ADGRG7: variants seen among roughly 807,000 people sequenced by gnomAD.
ADGRG7 encodes adhesion G protein-coupled receptor G7.
In ADGRG7, 82 loss-of-function variants were observed where a neutral mutation model predicts 88.6. The observed-to-expected ratio is 0.93, with a 90% CI of 0.77 to 1.11. The LOEUF (loss-of-function observed/expected upper bound fraction) is 1.11, where lower values mean the gene tolerates loss of function less well. ADGRG7 is among the 50% of genes most tolerant of loss of function. ADGRG7 has a pLI of 0.00. For missense variants in ADGRG7, 945 were observed against 953.4 expected, an observed-to-expected ratio of 0.99 and a Z score of 0.12; for synonymous variants, 381 against 345.2, an observed-to-expected ratio of 1.10 and a Z score of -1.15.
intron 15 of ADGRG7, among the ~76,000 whole-genome samples, chr3:100,689,055 G>A (rs1184661311): frequency 1.3e-5 from 2 of 152,162 alleles, no homozygotes; most frequent in African/African-American, 4.8e-5. Context: ...GTGAATCTGG[G>A]TGCTCCTGTA....
At chr3:100,624,585 G>A (rs929117393) in intron 1 of ADGRG7, among the ~76,000 whole-genome samples, 2 of 152,116 alleles carry the variant, frequency 1.3e-5, no homozygotes, top group Admixed American at 6.6e-5. Flanking sequence ...ATTGCTTTTG[G>A]TGTTTTCATC....
At chr3:100,683,003 G>A (rs2094976092) in intron 15 of ADGRG7, among the ~76,000 whole-genome samples, 1 of 152,174 alleles carries the variant, frequency 6.6e-6, no homozygotes, top group Admixed American at 6.5e-5. Flanking sequence ...CTTAAAGCCA[G>A]GGAGGGCCTG....
intron 4 of ADGRG7, among the ~76,000 whole-genome samples, chr3:100,634,958 G>A (rs1203265999): frequency 6.6e-6 from 1 of 151,498 alleles, no homozygotes; most frequent in Non-Finnish European, 1.5e-5. Context: ...CTATAACACT[G>A]GTATAATTTG....
intron 10 of ADGRG7, 66 bp from the exon 11 acceptor site, chr3:100,649,629 A>C: frequency 1.2e-6 from 1 of 813,980 alleles, no homozygotes; most frequent in Non-Finnish European, 2.1e-6. Flanking sequence ...TAACTCTGTG[A>C]TGTTGACTTT....
intron 14 of ADGRG7, among the ~76,000 whole-genome samples, chr3:100,667,505 C>A (rs899042469): frequency 6.6e-6 from 1 of 152,208 alleles, no homozygotes; most frequent in Admixed American, 6.5e-5. Flanking sequence ...AGGACATGAA[C>A]TTATCCTTTT....
chr3:100,661,261 A>G (rs1200844836), intron 14 of ADGRG7, among the ~76,000 whole-genome samples: 1 of 152,230 alleles, frequency 6.6e-6, no homozygotes, highest in Non-Finnish European at 1.5e-5. Flanking sequence ...ATGAGTTCAG[A>G]TTTAATTCTA....
chr3:100,622,533 A>G (rs1468931408), intron 1 of ADGRG7, among the ~76,000 whole-genome samples: 1 of 152,070 alleles, frequency 6.6e-6, no homozygotes, highest in Admixed American at 6.6e-5. Flanking sequence ...TTTATTGCCC[A>G]TCCATATATC....
chr3:100,619,396 A>T (rs529171010), intron 1 of ADGRG7, among the ~76,000 whole-genome samples: 204 of 152,338 alleles, frequency 1.3e-3, no homozygotes, highest in African/African-American at 4.6e-3. Context: ...TCTCTGGGAC[A>T]CATTCAAAGC....
intron 1 of ADGRG7, among the ~76,000 whole-genome samples, chr3:100,617,402 A>T (rs1707240827): frequency 7.9e-6 from 1 of 127,356 alleles, no homozygotes; most frequent in Admixed American, 9.4e-5. Flanking sequence ...CTGGTGTGTG[A>T]TGTTCCCCTT....
intron 11 of ADGRG7, chr3:100,654,617 C>G (rs1041262778): frequency 6.6e-6 from 3 of 454,200 alleles, no homozygotes; most frequent in Non-Finnish European, 1.2e-5. Context: ...ATATGTCAAC[C>G]TGTATCCTTT....
intron 4 of ADGRG7, 140 bp downstream of exon 4, chr3:100,633,517 C>T (rs1707486823): frequency 4.5e-6 from 2 of 443,768 alleles, no homozygotes; most frequent in Non-Finnish European, 4.0e-6. Context: ...ACTAAAGCCA[C>T]TCTTATTATT....
rs762434419 is a variant in ADGRG7 at position 100,655,938 on chromosome 3, T to C, written c.1766T>C (p.Ile589Thr). Reference sequence around the variant, plus strand: ...GTAGTGGCTATAACAGTGGGAGTTATTTATTCTCAGAATGGAAATAATCCA... The same window carrying C: ...GTAGTGGCTATAACAGTGGGAGTTACTTATTCTCAGAATGGAAATAATCCA... Reference protein sequence around the residue: ...AIVVAITVGVIYSQNGNNPQW... With the variant: ...AIVVAITVGVTYSQNGNNPQW... Residue 589 changes from isoleucine (I) to threonine (T), a missense_variant, in exon 13 of 16, where the codon ATT becomes ACT. By Grantham distance (89) the Ile-to-Thr change is moderately conservative (BLOSUM62 -1). Coordinates refer to ENST00000273352, the MANE Select transcript of ADGRG7 (RefSeq NM_032787.3). 7 of 1,609,058 alleles carry C rather than the reference T, an allele frequency of 4.4e-6. No homozygotes were observed. In the Admixed American group the frequency reaches 1.2e-4, roughly 27 times the overall value.
intron 8 of ADGRG7, among the ~76,000 whole-genome samples, chr3:100,645,318 G>T (rs1380903694): frequency 6.6e-6 from 1 of 152,214 alleles, no homozygotes. Context: ...CCAATGTCCA[G>T]AAGATGTTTC....
intron 15 of ADGRG7, among the ~76,000 whole-genome samples, chr3:100,690,773 C>T (rs1431808306): frequency 7.9e-5 from 12 of 152,200 alleles, no homozygotes; most frequent in African/African-American, 2.9e-4. Flanking sequence ...TGTCAGTCCG[C>T]CCCTACTTGG....
chr3:100,655,829 A>G, intron 12 of ADGRG7, 70 bp from the exon 13 acceptor site: 1 of 907,738 alleles, frequency 1.1e-6, no homozygotes, highest in Non-Finnish European at 1.8e-6. Flanking sequence ...TGTATAATTC[A>G]TGTATGATCT....
At chr3:100,614,531 A>G (rs1219686411) in intron 1 of ADGRG7, among the ~76,000 whole-genome samples, 1 of 152,154 alleles carries the variant, frequency 6.6e-6, no homozygotes, top group African/African-American at 2.4e-5. Flanking sequence ...TTTTCTCTTT[A>G]CAACCAGAAT....
rs373553187 is a variant in ADGRG7 at position 100,692,132 on chromosome 3, G to T, written c.2137-2612G>T. On this transcript the variant is annotated intron_variant, in intron 15 of 15. Coordinates refer to ENST00000273352, the MANE Select transcript of ADGRG7 (RefSeq NM_032787.3). ...ATGGAAATTGTTAGGAAGGGCATTT[G>T]ATCAGACTATATAATGCAGTGTGGG... Among the ~76,000 whole-genome samples, 44 of 152,332 alleles carry T rather than the reference G, an allele frequency of 2.9e-4. No individual in the cohort carries two copies. In the East Asian group the frequency reaches 7.9e-3, roughly 27 times the overall value.
rs1176096300 is a variant in ADGRG7, at chr3:100,635,703, T to C, written c.474T>C (p.Asn158=). The C allele has an allele frequency of 1.2e-6, 2 of 1,613,872 alleles. No homozygotes were observed. Among genetic ancestry groups the C allele is most frequent in the Non-Finnish European group, 1.7e-6 (2 of 1,179,936 alleles). ...TAAAGGATGTCACAGCACCACTTAATAACATTTCTTCTGAAGTCCAGATTT... is the reference window on the plus strand; with the variant it reads ...TAAAGGATGTCACAGCACCACTTAACAACATTTCTTCTGAAGTCCAGATTT... ...KQVKDVTAPL[N]NISSEVQILT... Residue 158 remains asparagine (N), a synonymous_variant, in exon 5 of 16, where the codon AAT becomes AAC. Coordinates refer to ENST00000273352, the MANE Select transcript of ADGRG7 (RefSeq NM_032787.3).
intron 13 of ADGRG7, among the ~76,000 whole-genome samples, chr3:100,657,724 C>A (rs1323781875): frequency 6.6e-6 from 1 of 152,186 alleles, no homozygotes; most frequent in Non-Finnish European, 1.5e-5. Context: ...TCAACCTCCA[C>A]CATCCTGAAG....
Sources: allele counts gnomAD v4.1 joint callset (sites outside exome capture counted in the v4.1 genomes callset), GRCh38; gene constraint gnomAD v4.1.1; transcripts MANE v1.5; gene names NCBI Gene and HGNC (gene_info 2026-07-23, HGNC 2026-07-21).